Variants in CRYZL1 observed in about 807,000 individuals in gnomAD.
CRYZL1 encodes the protein ferry endosomal RAB5 effector complex subunit 4.
Under a neutral mutation model 50.6 loss-of-function variants are expected in CRYZL1, and 34 were observed. The ratio of observed to expected loss-of-function variants is 0.67; its 90% CI spans 0.51 to 0.89. The LOEUF is 0.89. Ranked by LOEUF, CRYZL1 falls within the 40% of genes least tolerant of loss-of-function variation. CRYZL1 has a pLI of 0.00. For synonymous variants in CRYZL1, 125 were observed against 134.3 expected (o/e 0.93, Z 0.48); for missense variants, 354 against 402.3 (o/e 0.88, Z 1.03).
chr21:33,601,782 T>C (rs2086759184), intron 8 of CRYZL1, among the ~76,000 whole-genome samples: 1 of 151,924 alleles, frequency 6.6e-6, no homozygotes, highest in Non-Finnish European at 1.5e-5. Context: ...CTGGGCGTGA[T>C]GGCATATGCC....
chr21:33,640,989 C>T (rs1281230609), intron 1 of CRYZL1, among the ~76,000 whole-genome samples: 1 of 152,120 alleles, frequency 6.6e-6, no homozygotes, highest in Non-Finnish European at 1.5e-5. Context: ...ATTAATTTCA[C>T]GTGTTTCTTT....
At position 33,589,856 on chromosome 21, in the gene CRYZL1, T is replaced by C; in HGVS notation, c.1016A>G (p.Asn339Ser). The C allele has an allele frequency of 1.9e-6, 3 of 1,613,264 alleles. No individual in the cohort carries two copies. The South Asian group carries it at 3.3e-5, about 18-fold the overall frequency. Residue 339 changes from asparagine (N) to serine (S), a missense_variant, in exon 13 of 13, where the codon AAT (asparagine) becomes AGT (serine). By Grantham distance (46) the Asn-to-Ser change is conservative. Coordinates refer to ENST00000381554, the MANE Select transcript of CRYZL1 (RefSeq NM_145858.3). ...AKVSMEAVQK[N>S]QGRKKQVVQF The stretch of plus-strand genomic sequence containing the variant: ...AACAACTTGCTTTTTTCTTCCTTGA[T>C]TTTTCTGAACAGCTTCCATGGAAAC...
chr21:33,637,427 A>G (rs545979768), intron 1 of CRYZL1, among the ~76,000 whole-genome samples: 125 of 150,084 alleles, frequency 8.3e-4, no homozygotes, highest in Middle Eastern at 3.4e-3. Flanking sequence ...CCTGGGCGAC[A>G]GAGCGAGACT....
chr21:33,641,311 A>G (rs2145975886), intron 1 of CRYZL1: 1 of 1,547,168 alleles, frequency 6.5e-7, no homozygotes, highest in East Asian at 2.4e-5. Context: ...AGTGGCTGAG[A>G]AGAAGTAACA....
chr21:33,618,096 C>T (rs938132965), intron 4 of CRYZL1, among the ~76,000 whole-genome samples: 12 of 151,524 alleles, frequency 7.9e-5, no homozygotes, highest in East Asian at 2.0e-4. Context: ...AAGACCATCC[C>T]GGCTAACACG....
chr21:33,616,734 T>C lies in CRYZL1; in HGVS notation c.234A>G (p.Ser78=), dbSNP rs2086938096. The C allele has an allele frequency of 3.1e-6, 5 of 1,608,026 alleles. No homozygotes were observed. In the East Asian group the frequency reaches 9.0e-5, roughly 29 times the overall value. ...CTACTTCATCATCTGGTTGAAAGAA[T>C]GATACCTTGCTTCCAACTAAAGAGT... The part of the protein sequence containing the change: ...GIVLDVGSKV[S]FFQPDDEVVG... Residue 78 remains serine (S), a synonymous_variant, in exon 5 of 13, where the codon TCA becomes TCG. Coordinates refer to ENST00000381554, the MANE Select transcript of CRYZL1 (RefSeq NM_145858.3).
At chr21:33,626,768 T>C (rs2087069988) in intron 2 of CRYZL1, among the ~76,000 whole-genome samples, 1 of 151,688 alleles carries the variant, frequency 6.6e-6, no homozygotes, top group Non-Finnish European at 1.5e-5. Context: ...CTCAATGTCA[T>C]CCACCTATAT....
intron 11 of CRYZL1, among the ~76,000 whole-genome samples, chr21:33,592,924 C>T (rs551961275): frequency 3.3e-5 from 5 of 151,840 alleles, no homozygotes; most frequent in African/African-American, 9.7e-5. Context: ...TGGTGGCATG[C>T]GCCTATAGTC....
chr21:33,608,346 T>G (rs2086835566), intron 6 of CRYZL1, among the ~76,000 whole-genome samples: 1 of 152,064 alleles, frequency 6.6e-6, no homozygotes, highest in South Asian at 2.1e-4. Flanking sequence ...TCCCAGCTAC[T>G]CGGGAGGCTG....
At chr21:33,594,716 C>G (rs577061421) in intron 11 of CRYZL1, 1 of 141,218 alleles carries the variant, frequency 7.1e-6, no homozygotes, top group East Asian at 2.1e-4. Flanking sequence ...AATCTTGGCT[C>G]ACTGAAACCT....
rs760751058 is a variant in CRYZL1, at chr21:33,624,682, C to A, written c.144+1G>T. ...TTGTGCCATAATAAAAGAACCAATA[C>A]CTTTGTATTTATCTGGCTCAGAGCA... On this transcript the variant is annotated splice_donor_variant, in intron 3 of 12. Transcript: ENST00000381554. LOFTEE classifies it high-confidence loss of function. 1.9e-6 allele frequency: 3 copies of A among 1,607,854 alleles called. No individual in the cohort carries two copies. The highest frequency in any genetic ancestry group is 2.5e-6 in the Non-Finnish European group (3 of 1,178,284).
rs1297651438 is a variant in CRYZL1 at position 33,613,620 on chromosome 21, C to A, written c.263-14G>T. On this transcript the variant is annotated splice_polypyrimidine_tract_variant and intron_variant, in intron 5 of 12. Coordinates refer to ENST00000381554, the MANE Select transcript of CRYZL1 (RefSeq NM_145858.3). ...GGGGCAAAATTCCTAAAAATCAAAACAAGAAATTAAAGGGATGTAAGTCAA... is the reference window on the plus strand; with the variant it reads ...GGGGCAAAATTCCTAAAAATCAAAAAAAGAAATTAAAGGGATGTAAGTCAA... The A allele has an allele frequency of 1.9e-6, 3 of 1,598,954 alleles. No individual in the cohort carries two copies. In the African/African-American group the frequency reaches 4.0e-5, roughly 21 times the overall value.
intron 6 of CRYZL1, among the ~76,000 whole-genome samples, chr21:33,610,727 G>GT (rs747790692): frequency 0.12 from 12,552 of 101,154 alleles, 1,221 homozygotes; most frequent in Non-Finnish European, 0.16. Context: ...TTGTTTGGTT[G>GT]TTTTTTTTTT....
intron 10 of CRYZL1, chr21:33,596,305 G>A (rs2086692422): frequency 3.1e-6 from 1 of 324,674 alleles, no homozygotes; most frequent in African/African-American, 2.2e-5. Flanking sequence ...CTAAGTATAT[G>A]TCAACAATGT....
At chr21:33,599,009 A>G (rs995233943) in intron 9 of CRYZL1, 141 bp downstream of exon 9, 1 of 690,016 alleles carries the variant, frequency 1.4e-6, no homozygotes, top group African/African-American at 1.8e-5. Context: ...TAAATTAAAA[A>G]GTCTTCAGTT....
At chr21:33,604,811 TA>T (rs2086794431) in intron 6 of CRYZL1, among the ~76,000 whole-genome samples, 1 of 152,214 alleles carries the variant, frequency 6.6e-6, no homozygotes, top group Non-Finnish European at 1.5e-5. Flanking sequence ...AGTGTGTTCG[TA>T]TATGAAAAAT....
chr21:33,603,503 T>C lies in CRYZL1; in HGVS notation c.366A>G (p.Ala122=). Residue 122 remains alanine (A), a synonymous_variant, in exon 7 of 13, where the codon GCA becomes GCG. Transcript: ENST00000381554. ...HKPEKVTWTE[A]AGSIRDGVRA... is the part of the protein sequence containing the mutation. ...GCACTCCATCCCGAATGCTTCCTGC[T>C]GCTTCCGTCCATGTGACCTTTTCTG... The C allele has an allele frequency of 6.2e-7, 1 of 1,614,214 alleles. No homozygotes were observed. Among genetic ancestry groups the C allele is most frequent in the African/African-American group, 1.3e-5 (1 of 75,062 alleles).
At chr21:33,637,152 A>T (rs1444550929) in intron 1 of CRYZL1, among the ~76,000 whole-genome samples, 1 of 152,138 alleles carries the variant, frequency 6.6e-6, no homozygotes, top group East Asian at 1.9e-4. Context: ...AGTCATCAAG[A>T]ATAATTTAGA....
intron 4 of CRYZL1, among the ~76,000 whole-genome samples, chr21:33,619,950 G>T (rs1235728298): frequency 1.3e-5 from 2 of 152,154 alleles, no homozygotes; most frequent in African/African-American, 4.8e-5. Flanking sequence ...TTTCTTCCAA[G>T]CTTACATAAT....
Sources: gnomAD v4.1 joint callset for allele counts (sites outside exome capture counted in the v4.1 genomes callset) on GRCh38, gnomAD v4.1.1 for gene constraint, MANE v1.5 for transcripts, NCBI Gene and HGNC (gene_info 2026-07-23, HGNC 2026-07-21) for gene names.